CAST: variants seen among roughly 807,000 people sequenced by gnomAD.
The protein encoded by CAST is calpastatin, also known as MIR583 host.
A neutral mutation model predicts 119.6 loss-of-function variants in CAST; 76 were observed. The observed-to-expected ratio is 0.64, with a 90% CI of 0.53 to 0.77. CAST has a LOEUF of 0.77. CAST is among the 30% of genes least tolerant of loss of function. CAST has a pLI of 0.00. For synonymous variants in CAST, 319 were observed against 331.6 expected (o/e 0.96, Z 0.41); for missense variants, 953 against 946.5 (o/e 1.01, Z -0.09).
At chr5:96,617,625 TA>T (rs772387369) in intron 1 of CAST, among the ~76,000 whole-genome samples, 19 of 150,380 alleles carry the variant, frequency 1.3e-4, no homozygotes, top group Non-Finnish European at 1.9e-4. Context: ...CCGTCTCTAC[TA>T]AAAATACAAA....
chr5:96,077,607 G>A, the CAST span, among the ~76,000 whole-genome samples: 1 of 152,268 alleles, frequency 6.6e-6, no homozygotes, highest in African/African-American at 2.4e-5. Flanking sequence ...TGAGGGGAGG[G>A]AGTTTGTAAG....
the CAST span, among the ~76,000 whole-genome samples, chr5:96,266,439 G>C: frequency 2.0e-5 from 3 of 152,096 alleles, no homozygotes; most frequent in Non-Finnish European, 4.4e-5. Context: ...GGGGAGGGGG[G>C]CACTAGTAAC....
chr5:96,448,003 C>T, the CAST span, among the ~76,000 whole-genome samples: 1 of 150,406 alleles, frequency 6.6e-6, no homozygotes, highest in Non-Finnish European at 1.5e-5. Context: ...CTGGATGGAA[C>T]TCTCATATGT....
chr5:96,457,000 C>T, the CAST span, among the ~76,000 whole-genome samples: 2 of 152,158 alleles, frequency 1.3e-5, no homozygotes, highest in African/African-American at 4.8e-5. Context: ...CCTTCCAAAC[C>T]CTGTGGAACT....
the CAST span, among the ~76,000 whole-genome samples, chr5:96,104,216 G>A: frequency 2.6e-5 from 4 of 151,902 alleles, no homozygotes; most frequent in South Asian, 4.2e-4. Context: ...TTTCTTTTGC[G>A]GTGCAGAAGC....
the CAST span, among the ~76,000 whole-genome samples, chr5:96,182,200 G>T: frequency 6.6e-6 from 1 of 152,172 alleles, no homozygotes; most frequent in Non-Finnish European, 1.5e-5. Context: ...ATAGCCCTCT[G>T]GGTTAGAAGT....
the CAST span, among the ~76,000 whole-genome samples, chr5:96,040,778 A>G: frequency 1.3e-5 from 2 of 152,098 alleles, no homozygotes. Flanking sequence ...GTTTGCCAGT[A>G]TTTTATTGAG....
intron 1 of CAST, among the ~76,000 whole-genome samples, chr5:96,579,654 C>T (rs1183730158): frequency 6.6e-6 from 1 of 152,194 alleles, no homozygotes; most frequent in Non-Finnish European, 1.5e-5. Context: ...TAGTGTCCCA[C>T]ACCAGTTTTC....
At chr5:96,438,906 A>G in the CAST span, among the ~76,000 whole-genome samples, 1 of 152,214 alleles carries the variant, frequency 6.6e-6, no homozygotes, top group Admixed American at 6.5e-5. Context: ...TGTGATATTC[A>G]TAACTTCTCA....
chr5:96,164,265 A>G, the CAST span, among the ~76,000 whole-genome samples: 2 of 152,254 alleles, frequency 1.3e-5, no homozygotes, highest in African/African-American at 4.8e-5. Flanking sequence ...AAAAGCAAAT[A>G]TGTCAATCTC....
At chr5:96,082,324 A>G in the CAST span, among the ~76,000 whole-genome samples, 1 of 152,228 alleles carries the variant, frequency 6.6e-6, no homozygotes, top group East Asian at 1.9e-4. Flanking sequence ...ATTGTGTGCC[A>G]CAACCTATCC....
chr5:96,029,107 A>G, the CAST span, among the ~76,000 whole-genome samples: 4 of 152,150 alleles, frequency 2.6e-5, no homozygotes, highest in African/African-American at 9.6e-5. Context: ...GAACATTTTG[A>G]GAAAGATGTA....
At chr5:96,099,801 C>T in the CAST span, among the ~76,000 whole-genome samples, 1 of 152,100 alleles carries the variant, frequency 6.6e-6, no homozygotes, top group Non-Finnish European at 1.5e-5. Flanking sequence ...TTTGTTATAT[C>T]TCTGCCAGGT....
chr5:96,081,661 C>T, the CAST span, among the ~76,000 whole-genome samples: 1 of 152,112 alleles, frequency 6.6e-6, no homozygotes, highest in Non-Finnish European at 1.5e-5. Context: ...AACAGATGCT[C>T]ACCCACTCCC....
At chr5:96,042,632 A>G in the CAST span, among the ~76,000 whole-genome samples, 2 of 152,182 alleles carry the variant, frequency 1.3e-5, no homozygotes, top group South Asian at 4.1e-4. Context: ...AGCCTTAAAT[A>G]TGCCAATGAT....
chr5:96,750,447 C>A, intron 19 of CAST, 140 bp from the exon 20 acceptor site: 1 of 460,502 alleles, frequency 2.2e-6, no homozygotes. Context: ...GACTTATTTA[C>A]TATTTAGCAA....
At chr5:96,762,820 G>T in intron 25 of CAST, 1 of 268,644 alleles carries the variant, frequency 3.7e-6, no homozygotes. Flanking sequence ...TTTTACAAAC[G>T]TCATGGAATA....
chr5:96,039,386 A>G, the CAST span, among the ~76,000 whole-genome samples: 1 of 151,906 alleles, frequency 6.6e-6, no homozygotes. Context: ...AATTAGATCC[A>G]GTTTGTCAAT....
chr5:96,445,376 T>A, the CAST span, among the ~76,000 whole-genome samples: 2 of 152,168 alleles, frequency 1.3e-5, no homozygotes, highest in Non-Finnish European at 2.9e-5. Flanking sequence ...AAGGCAGTAG[T>A]GAGCTATGAA....
Sources: gnomAD v4.1 joint callset for allele counts (sites outside exome capture counted in the v4.1 genomes callset) on GRCh38, gnomAD v4.1.1 for gene constraint, MANE v1.5 for transcripts, NCBI Gene and HGNC (gene_info 2026-07-23, HGNC 2026-07-21) for gene names.